Variants in MX2 observed in about 807,000 individuals in gnomAD.
The protein encoded by MX2 is interferon-induced GTP-binding protein Mx2.
In MX2, 51 loss-of-function variants were observed where a neutral mutation model predicts 74.0. The ratio of observed to expected loss-of-function variants is 0.69; its 90% confidence interval spans 0.55 to 0.87. MX2 has a LOEUF of 0.87. Ranked by LOEUF, MX2 falls within the 40% of genes least tolerant of loss-of-function variation. The pLI is 0.00. For synonymous variants in MX2, 369 were observed against 339.3 expected, an observed-to-expected ratio of 1.09 and a Z score of -0.96; for missense variants, 832 against 908.7, an observed-to-expected ratio of 0.92 and a Z score of 1.09.
At position 41,368,972 on chromosome 21, in the gene MX2, G is replaced by A. The variant is rs748058643; in HGVS notation, c.-72+6917G>A. 2.6e-5 allele frequency among the ~76,000 whole-genome samples: 4 copies of A among 152,268 alleles called. No individual in the cohort carries two copies. The highest frequency in any genetic ancestry group is 1.9e-4 in the East Asian group (1 of 5,164). ...TAGGGTGGGTGCCACCAGGCCCACCGAGCTGCTGGGTCCTGGCCAAGCCCT... is the reference window on the plus strand; with the variant it reads ...TAGGGTGGGTGCCACCAGGCCCACCAAGCTGCTGGGTCCTGGCCAAGCCCT... On this transcript the variant is annotated intron_variant, in intron 1 of 13. Coordinates refer to ENST00000330714, the MANE Select transcript of MX2 (RefSeq NM_002463.2). The surrounding 1 kb of genome is among the most constrained non-coding windows in gnomAD (Gnocchi z 4.6).
In MX2 at chr21:41,380,248, C is replaced by T. The variant is rs1020786670; in HGVS notation, c.577+97C>T. ...CCTCAAGTCACCCCCACAGTGACCACTCAGCTCCTAGCCCCATGTGCTCCC... is the reference window on the plus strand; with the variant it reads ...CCTCAAGTCACCCCCACAGTGACCATTCAGCTCCTAGCCCCATGTGCTCCC... On this transcript the variant is annotated intron_variant, in intron 4 of 13. Transcript: ENST00000330714. This position sits in a 1 kb window ranked among gnomAD's most constrained non-coding sequence, Gnocchi z 4.3. The T allele has an allele frequency of 3.9e-6, 6 of 1,529,890 alleles. No homozygotes were observed. In the Admixed American group the frequency reaches 9.3e-5, roughly 24 times the overall value. The allele number at this position is 1,529,890 out of a possible 1,614,324, so 94.8% of individuals were successfully genotyped here. A position where few individuals can be genotyped will look rare whatever the true frequency, so the allele number is the denominator to read the frequency against.
chr21:41,377,244 C>T (rs1166127055), intron 2 of MX2, 89 bp downstream of exon 2: 3 of 1,540,586 alleles, frequency 1.9e-6, no homozygotes, highest in Non-Finnish European at 2.6e-6. Flanking sequence ...ATAATAGAAC[C>T]AGCCAGTCTG....
At chr21:41,398,854 T>C (rs778993987) in intron 8 of MX2, 43 bp from the exon 9 acceptor site, 1 of 1,592,530 alleles carries the variant, frequency 6.3e-7, no homozygotes, top group African/African-American at 1.3e-5. Flanking sequence ...AGTTGGCCAA[T>C]CTCTTAAGCC....
intron 1 of MX2, chr21:41,373,916 G>A (rs1186571749): frequency 6.6e-6 from 1 of 151,714 alleles, no homozygotes. Flanking sequence ...AACCAGCCCT[G>A]GGACAGGCTC....
chr21:41,375,742 CAA>C (rs920486942), intron 1 of MX2, among the ~76,000 whole-genome samples: 11 of 150,952 alleles, frequency 7.3e-5, no homozygotes, highest in African/African-American at 2.7e-4. Context: ...AGTCTTTTTC[CAA>C]AAAAAAAGTC....
rs151075322 is a variant in MX2, at chr21:41,376,962, G to T, written c.56G>T (p.Arg19Leu). Residue 19 changes from arginine to leucine, a missense_variant, in exon 2 of 14, where the codon CGA becomes CTA. Physicochemically the swap from Arg to Leu is moderately radical, Grantham distance 102 (BLOSUM62 -2). Coordinates refer to ENST00000330714, the MANE Select transcript of MX2 (RefSeq NM_002463.2). ...CGGAGGAGAAGTCAATTTTCTTCTC[G>T]AAAATACCTGAAAAAAGAAATGAAT... ...PYRRRSQFSS[R>L]KYLKKEMNSF... 2 of 1,614,006 alleles carry T rather than the reference G, an allele frequency of 1.2e-6. No homozygotes were observed. Among genetic ancestry groups the T allele is most frequent in the Non-Finnish European group, 1.7e-6 (2 of 1,180,028 alleles).
Position 41,392,385 on chromosome 21 carries a change from C to T in MX2, c.871+1682C>T, listed in dbSNP as rs566155237. 7.9e-5 allele frequency among the ~76,000 whole-genome samples: 12 copies of T among 152,312 alleles called. No individual in the cohort carries two copies. In the South Asian group the frequency reaches 1.7e-3, roughly 21 times the overall value. On this transcript the variant is annotated intron_variant, in intron 6 of 13. Coordinates refer to ENST00000330714, the MANE Select transcript of MX2 (RefSeq NM_002463.2). ...CAACAACATGAGTGAACTTCAACGA[C>T]ATTATGCTAAGTGAAATTCCAGTAA... is the stretch of plus-strand genomic sequence containing the variant.
chr21:41,390,683 C>T lies in MX2; in HGVS notation c.851C>T (p.Pro284Leu), dbSNP rs369056244. The change falls in exon 6 of 14, where the codon CCG (proline) becomes CTG (leucine). Residue 284 changes from proline to leucine, a missense_variant. Pro to Leu is a moderately conservative substitution (Grantham distance 98). Coordinates refer to ENST00000330714, the MANE Select transcript of MX2 (RefSeq NM_002463.2). Reference sequence around the variant, plus strand: ...CTGAGCATGGCCCATGAGGTGGACCCGGAAGGGGACAGGACCATCGGTAAG... The same window carrying T: ...CTGAGCATGGCCCATGAGGTGGACCTGGAAGGGGACAGGACCATCGGTAAG... Reference protein sequence around the residue: ...EALSMAHEVDPEGDRTIGILT... With the variant: ...EALSMAHEVDLEGDRTIGILT... 3.1e-5 allele frequency: 50 copies of T among 1,613,960 alleles called. No homozygotes were observed. The highest frequency in any genetic ancestry group is 4.0e-5 in the African/African-American group (3 of 74,908).
At position 41,377,993 on chromosome 21, in the gene MX2, G is replaced by C. The variant is rs748404607; in HGVS notation, c.442+12G>C. On this transcript the variant is annotated intron_variant, in intron 3 of 13. Coordinates refer to ENST00000330714, the MANE Select transcript of MX2 (RefSeq NM_002463.2). ...TCCCAGAGGCAGCGGTAAGTTCAAC[G>C]GACCACCTTCCCTCCGCAGCAAGCA... 2 of 1,609,052 alleles carry C rather than the reference G, an allele frequency of 1.2e-6. No homozygotes were observed. Among genetic ancestry groups the C allele is most frequent in the East Asian group, 4.5e-5 (2 of 44,714 alleles).
At chr21:41,399,619 G>A in intron 10 of MX2, 1 of 296,396 alleles carries the variant, frequency 3.4e-6, no homozygotes, top group African/African-American at 2.1e-5. Flanking sequence ...AGGCTGGAGT[G>A]TAGTGGCGCA....
Position 41,402,284 on chromosome 21 carries a change from G to A in MX2, c.1573+156G>A. 2.3e-6 allele frequency: 2 copies of A among 854,616 alleles called. No homozygotes were observed. The highest frequency in any genetic ancestry group is 4.2e-5 in the South Asian group (2 of 47,432). 52.9% of individuals were successfully genotyped at this position (854,616 alleles called of 1,614,324 possible). A position where few individuals can be genotyped will look rare whatever the true frequency, so the allele number is the denominator to read the frequency against. On this transcript the variant is annotated intron_variant, in intron 11 of 13. Coordinates refer to ENST00000330714, the MANE Select transcript of MX2 (RefSeq NM_002463.2). This position sits in a 1 kb window ranked among gnomAD's most constrained non-coding sequence, Gnocchi z 4.5. ...GCTACTCTGTGTGGTCTGTGAGCCAGCAGCACTGGCAAGGCCTGAGAGCTG... is the reference window on the plus strand; with the variant it reads ...GCTACTCTGTGTGGTCTGTGAGCCAACAGCACTGGCAAGGCCTGAGAGCTG...
intron 8 of MX2, among the ~76,000 whole-genome samples, chr21:41,398,097 G>A (rs1486223520): frequency 6.6e-6 from 1 of 151,998 alleles, no homozygotes; most frequent in Non-Finnish European, 1.5e-5. Context: ...ATCACCTGAG[G>A]TCAAGAATTC....
rs1296991368 is a variant in MX2 at position 41,363,820 on chromosome 21, GT to G, written c.-72+1766del. On this transcript the variant is annotated intron_variant, in intron 1 of 13. Coordinates refer to ENST00000330714, the MANE Select transcript of MX2 (RefSeq NM_002463.2). The surrounding 1 kb of genome is among the most constrained non-coding windows in gnomAD (Gnocchi z 4.2). ...ACAGCCATTTCCATCCTTCCCAGGG[GT>G]GCTTACGTGATCCTGGCAGTCTCAG... The G allele has an allele frequency of 6.4e-6, 1 of 155,258 alleles. No individual in the cohort carries two copies. The highest frequency in any genetic ancestry group is 1.5e-5 in the Non-Finnish European group (1 of 68,360). 9.6% of individuals were successfully genotyped at this position (155,258 alleles called of 1,614,324 possible).
At chr21:41,381,490 C>A (rs1424128389) in intron 4 of MX2, among the ~76,000 whole-genome samples, 3 of 152,106 alleles carry the variant, frequency 2.0e-5, no homozygotes, top group Non-Finnish European at 4.4e-5. Context: ...TCAAGACCAT[C>A]CTGGCTAACA....
At chr21:41,400,705 TTA>T (rs1032616309) in intron 10 of MX2, among the ~76,000 whole-genome samples, 3 of 26,302 alleles carry the variant, frequency 1.1e-4, no homozygotes, top group African/African-American at 1.4e-4. Flanking sequence ...GCCAAACACT[TTA>T]TTTATTTATT....
Position 41,398,976 on chromosome 21 carries a change from A to G in MX2, c.1229A>G (p.Asp410Gly), listed in dbSNP as rs2089773139. The change falls in exon 9 of 14, where the codon GAC becomes GGC. Residue 410 changes from aspartate to glycine, a missense_variant. By Grantham distance (94) the Asp-to-Gly change is moderately conservative. Transcript: ENST00000330714. ...ATEELRRCGA[D>G]IPSQEADKMF... ...GAGGAGCTGCGGCGTTGCGGGGCTG[A>G]CATCCCCAGCCAGGAGGCCGACAAG... The G allele has an allele frequency of 6.2e-7, 1 of 1,614,024 alleles. No individual in the cohort carries two copies. The highest frequency in any genetic ancestry group is 1.3e-5 in the African/African-American group (1 of 75,052).
chr21:41,390,548 C>G lies in MX2; in HGVS notation c.733-17C>G, dbSNP rs773618175. On this transcript the variant is annotated splice_polypyrimidine_tract_variant and intron_variant, in intron 5 of 13. Transcript: ENST00000330714. ...GTGAGACGTGTGCTCTTTCTTTGTGCGATTCTTTGGCATCAGATCAAGGCT... is the reference window on the plus strand; with the variant it reads ...GTGAGACGTGTGCTCTTTCTTTGTGGGATTCTTTGGCATCAGATCAAGGCT... The G allele has an allele frequency of 1.9e-6, 3 of 1,613,592 alleles. No homozygotes were observed. The highest frequency in any genetic ancestry group is 2.5e-6 in the Non-Finnish European group (3 of 1,179,732).
chr21:41,369,630 G>C (rs1338818446), intron 1 of MX2, among the ~76,000 whole-genome samples: 1 of 152,134 alleles, frequency 6.6e-6, no homozygotes, highest in Non-Finnish European at 1.5e-5. Flanking sequence ...TTCTGGAAGG[G>C]GTATTCCCGA....
At position 41,377,904 on chromosome 21, in the gene MX2, CCGTCAT is replaced by C; in HGVS notation, c.368_373del (p.Val123_Ile124del). 6.2e-7 allele frequency: 1 copy of C among 1,614,218 alleles called. No homozygotes were observed. The highest frequency in any genetic ancestry group is 2.2e-5 in the East Asian group (1 of 44,880). On this transcript the variant is annotated inframe_deletion, in exon 3 of 14. Transcript: ENST00000330714. ...CAGGACCTGGCCCTGCCAGCCATCG[CCGTCAT>C]CGGGGACCAGAGCTCGGGCAAGAGC...
Sources: gnomAD v4.1 joint callset for allele counts (sites outside exome capture counted in the v4.1 genomes callset) on GRCh38, gnomAD v4.1.1 for gene constraint, Gnocchi (gnomAD v3.1) non-coding constraint, MANE v1.5 for transcripts, NCBI Gene and HGNC (gene_info 2026-07-23, HGNC 2026-07-21) for gene names.